Variants in KDM4C observed in about 807,000 individuals in gnomAD.
KDM4C encodes lysine-specific demethylase 4C.
KDM4C carries 81 observed loss-of-function variants against 129.3 expected under a neutral mutation model. That is an observed-to-expected ratio of 0.63 (90% CI 0.52 to 0.75). The LOEUF (loss-of-function observed/expected upper bound fraction) is 0.75, where lower values mean the gene tolerates loss of function less well. KDM4C is among the 30% of genes least tolerant of loss of function. KDM4C has a pLI of 0.00. For missense variants in KDM4C, 1,457 were observed against 1,304.0 expected, an observed-to-expected ratio of 1.12 and a Z score of -1.81; for synonymous variants, 573 against 456.1, an observed-to-expected ratio of 1.26 and a Z score of -3.26.
At position 7,166,842 on chromosome 9, in the gene KDM4C, A is replaced by G. The variant is rs529468841; in HGVS notation, c.2901+1485A>G. ...TCTATCAACATAAAACTATGAGCATATTTATAGACTCAATGAAAAAGTTAA... is the reference window on the plus strand; with the variant it reads ...TCTATCAACATAAAACTATGAGCATGTTTATAGACTCAATGAAAAAGTTAA... On this transcript the variant is annotated intron_variant, in intron 20 of 21. Transcript: ENST00000381309. Among the ~76,000 whole-genome samples the G allele has an allele frequency of 7.2e-5, 11 of 152,316 alleles. No individual in the cohort carries two copies. In the East Asian group the frequency reaches 1.4e-3, roughly 19 times the overall value.
intron 9 of KDM4C, among the ~76,000 whole-genome samples, chr9:6,981,351 T>C (rs1329419093): frequency 6.6e-6 from 1 of 152,242 alleles, no homozygotes; most frequent in Non-Finnish European, 1.5e-5. Context: ...ACATGGCAAA[T>C]AGAACAATAT....
At chr9:6,732,068 A>G (rs147738053) in intron 1 of KDM4C, among the ~76,000 whole-genome samples, 1,598 of 152,170 alleles carry the variant, frequency 0.011, 13 homozygotes, top group Non-Finnish European at 0.019. Flanking sequence ...AATCAAATAG[A>G]TCAAAGAATG....
At chr9:6,761,931 C>T (rs758431810) in intron 1 of KDM4C, among the ~76,000 whole-genome samples, 10 of 152,032 alleles carry the variant, frequency 6.6e-5, no homozygotes, top group South Asian at 6.2e-4. Context: ...CTCAGCCTCC[C>T]GAGTAGCTGG....
intron 5 of KDM4C, among the ~76,000 whole-genome samples, chr9:6,877,766 T>G (rs1189450435): frequency 5.9e-5 from 9 of 152,310 alleles, no homozygotes; most frequent in South Asian, 2.1e-4. Context: ...AACATTAAAA[T>G]TAGTCTTTCC....
At chr9:6,933,833 C>A (rs1200763694) in intron 8 of KDM4C, among the ~76,000 whole-genome samples, 5 of 151,690 alleles carry the variant, frequency 3.3e-5, no homozygotes. Flanking sequence ...TCCAGGTCTT[C>A]CTGATTTTTT....
intron 19 of KDM4C, among the ~76,000 whole-genome samples, chr9:7,133,329 G>A (rs1840843539): frequency 6.6e-6 from 1 of 152,144 alleles, no homozygotes; most frequent in Non-Finnish European, 1.5e-5. Context: ...GATTAGATGA[G>A]AACCTGTACT....
chr9:6,956,321 A>AT (rs1332373860), intron 8 of KDM4C, among the ~76,000 whole-genome samples: 1 of 152,168 alleles, frequency 6.6e-6, no homozygotes, highest in African/African-American at 2.4e-5. Flanking sequence ...TGATGTGCTT[A>AT]TTTCACATTG....
At chr9:7,093,256 G>A (rs554537027) in intron 17 of KDM4C, among the ~76,000 whole-genome samples, 1 of 152,136 alleles carries the variant, frequency 6.6e-6, no homozygotes, top group South Asian at 2.1e-4. Flanking sequence ...GTGGAGCATG[G>A]TGTTGTTGAT....
chr9:6,924,444 C>T (rs1822104920), intron 8 of KDM4C, among the ~76,000 whole-genome samples: 1 of 152,200 alleles, frequency 6.6e-6, no homozygotes, highest in Non-Finnish European at 1.5e-5. Flanking sequence ...GGGCCCAGGG[C>T]TGCAGCGCTC....
chr9:6,854,303 C>A (rs141511193), intron 5 of KDM4C, among the ~76,000 whole-genome samples: 1,803 of 151,926 alleles, frequency 0.012, 34 homozygotes, highest in African/African-American at 0.042. Flanking sequence ...CCGAGGCGGG[C>A]GGATCACCTG....
intron 8 of KDM4C, among the ~76,000 whole-genome samples, chr9:6,947,066 C>G (rs1460528208): frequency 6.6e-6 from 1 of 152,072 alleles, no homozygotes; most frequent in Non-Finnish European, 1.5e-5. Flanking sequence ...AAATGTCGTA[C>G]TTTTGTAAAT....
At chr9:7,156,227 G>C (rs892025247) in intron 19 of KDM4C, among the ~76,000 whole-genome samples, 22 of 152,096 alleles carry the variant, frequency 1.4e-4, no homozygotes, top group Non-Finnish European at 2.9e-4. Context: ...TTGTAAATTT[G>C]AGTTCTTTGT....
rs138900677 is a variant in KDM4C, at chr9:6,974,383, G to A, written c.922-6542G>A. Among the ~76,000 whole-genome samples, 1,178 of 152,202 alleles carry A rather than the reference G, an allele frequency of 7.7e-3. 20 individuals carry two copies. The highest frequency in any genetic ancestry group is 0.027 in the African/African-American group (1,108 of 41,524). On this transcript the variant is annotated intron_variant, in intron 8 of 21. Transcript: ENST00000381309. ...TGCTTTTTTGTCTTTCTTTTGAGAC[G>A]GAGTCTTACTCTGTCGTCCAGGCTG...
intron 8 of KDM4C, among the ~76,000 whole-genome samples, chr9:6,969,217 T>C (rs1329055406): frequency 6.6e-6 from 1 of 152,240 alleles, no homozygotes; most frequent in Non-Finnish European, 1.5e-5. Flanking sequence ...ATTATAGGCT[T>C]GAGCCACCGT....
chr9:6,808,626 C>T (rs1298622144), intron 3 of KDM4C, among the ~76,000 whole-genome samples: 5 of 147,172 alleles, frequency 3.4e-5, no homozygotes, highest in Admixed American at 1.4e-4. Flanking sequence ...GCTGACCTTC[C>T]CTCCACTATT....
intron 8 of KDM4C, among the ~76,000 whole-genome samples, chr9:6,951,025 A>T (rs866214882): frequency 6.6e-6 from 1 of 152,054 alleles, no homozygotes; most frequent in Admixed American, 6.5e-5. Flanking sequence ...TAACATTTTT[A>T]AATTTTATTT....
intron 12 of KDM4C, among the ~76,000 whole-genome samples, chr9:7,007,154 A>G (rs772382083): frequency 1.2e-4 from 18 of 152,118 alleles, no homozygotes; most frequent in South Asian, 4.1e-4. Flanking sequence ...ATGTTTCCTT[A>G]TTTAGGACAA....
intron 15 of KDM4C, among the ~76,000 whole-genome samples, chr9:7,038,864 G>C (rs1342185663): frequency 6.6e-6 from 1 of 151,588 alleles, no homozygotes; most frequent in Non-Finnish European, 1.5e-5. Context: ...CTTGAGGTTG[G>C]TTTTCTTTTC....
chr9:6,940,039 T>TTCCC (rs1554654256), intron 8 of KDM4C, among the ~76,000 whole-genome samples: 17 of 129,886 alleles, frequency 1.3e-4, no homozygotes, highest in South Asian at 2.6e-4. Flanking sequence ...CCTTCTTTCC[T>TTCCC]TCCTTCCCTC....
Sources: gnomAD v4.1 joint callset for allele counts (sites outside exome capture counted in the v4.1 genomes callset) on GRCh38, gnomAD v4.1.1 for gene constraint, MANE v1.5 for transcripts, NCBI Gene and HGNC (gene_info 2026-07-23, HGNC 2026-07-21) for gene names.